Variants in SHANK2 observed in about 807,000 individuals in gnomAD.
The protein encoded by SHANK2 is SH3 and multiple ankyrin repeat domains protein 2.
In SHANK2, 43 loss-of-function variants were observed where a neutral mutation model predicts 133.7. The observed-to-expected ratio is 0.32, with a 90% CI of 0.25 to 0.41. SHANK2 has a LOEUF of 0.41. Ranked by LOEUF, SHANK2 falls within the 10% of genes least tolerant of loss-of-function variation. SHANK2 has a pLI of 1.00. For missense variants in SHANK2, 1,994 were observed against 2,235.8 expected (o/e 0.89, Z 2.18); for synonymous variants, 1,017 against 952.8 (o/e 1.07, Z -1.24).
intron 14 of SHANK2, among the ~76,000 whole-genome samples, chr11:70,716,895 G>GCCCCCCCCCCCCCCCCCCCGACCCC (rs60827522): frequency 7.2e-6 from 1 of 138,388 alleles, no homozygotes; most frequent in Non-Finnish European, 1.5e-5. Context: ...GGGTCCCGGA[G>GCCCCCCCCCCCCCCCCCCCGACCCC]CCCCCCCCCC....
intron 22 of SHANK2, 130 bp downstream of exon 22, chr11:70,492,205 A>C (rs782645369): frequency 9.2e-5 from 125 of 1,363,736 alleles, no homozygotes; most frequent in Non-Finnish European, 1.2e-4. Flanking sequence ...GGCCACTTAG[A>C]TTTGGGCCCC....
intron 17 of SHANK2, among the ~76,000 whole-genome samples, chr11:70,536,132 C>T (rs1394841169): frequency 2.0e-5 from 3 of 152,210 alleles, no homozygotes; most frequent in Non-Finnish European, 4.4e-5. Flanking sequence ...GGCTGAAGCC[C>T]ACCCAGGTCT....
At position 70,584,025 on chromosome 11, in the gene SHANK2, G is replaced by A. The variant is rs982684476; in HGVS notation, c.2061+75803C>T. ...CCGTGCATGACTCTGCAGCCACCGCGAGCATGCTCCTCAAGGTCTCATCCC... is the reference window on the plus strand; with the variant it reads ...CCGTGCATGACTCTGCAGCCACCGCAAGCATGCTCCTCAAGGTCTCATCCC... On this transcript the variant is annotated intron_variant, in intron 17 of 25. Coordinates refer to ENST00000601538, the MANE Select transcript of SHANK2 (RefSeq NM_012309.5). Among the ~76,000 whole-genome samples, 4 of 152,244 alleles carry A rather than the reference G, an allele frequency of 2.6e-5. No individual in the cohort carries two copies. In the East Asian group the frequency reaches 5.8e-4, roughly 22 times the overall value.
chr11:70,604,359 A>G (rs1185657561), intron 17 of SHANK2: 2 of 152,432 alleles, frequency 1.3e-5, no homozygotes, highest in African/African-American at 4.8e-5. Context: ...CACATGGCAG[A>G]TGGGAACTGT....
chr11:70,947,808 G>C (rs1950769569), intron 10 of SHANK2, among the ~76,000 whole-genome samples: 1 of 152,172 alleles, frequency 6.6e-6, no homozygotes, highest in Non-Finnish European at 1.5e-5. Context: ...TACCAACGTT[G>C]CTTCCCATCC....
chr11:70,884,811 C>T (rs1161241699), intron 11 of SHANK2, among the ~76,000 whole-genome samples: 2 of 152,208 alleles, frequency 1.3e-5, no homozygotes, highest in Non-Finnish European at 2.9e-5. Flanking sequence ...ACCTCCGCCT[C>T]CCAGGTTCAA....
At chr11:70,921,624 A>G (rs1950353588) in intron 10 of SHANK2, among the ~76,000 whole-genome samples, 1 of 152,232 alleles carries the variant, frequency 6.6e-6, no homozygotes. Flanking sequence ...CACCCAGGAG[A>G]GAAATGCTGG....
intron 15 of SHANK2, among the ~76,000 whole-genome samples, chr11:70,671,345 C>T (rs1944803354): frequency 6.6e-6 from 1 of 152,114 alleles, no homozygotes; most frequent in South Asian, 2.1e-4. Context: ...ACCCCAGCTT[C>T]CCCAAACCAG....
At chr11:70,858,451 C>G (rs1949204579) in intron 11 of SHANK2, among the ~76,000 whole-genome samples, 1 of 152,188 alleles carries the variant, frequency 6.6e-6, no homozygotes, top group South Asian at 2.1e-4. Context: ...AGACTGGAAA[C>G]CCAGGCATGA....
intron 17 of SHANK2, among the ~76,000 whole-genome samples, chr11:70,533,392 C>CT (rs2059503058): frequency 6.6e-6 from 1 of 152,116 alleles, no homozygotes; most frequent in Non-Finnish European, 1.5e-5. Context: ...GCCTGGACTT[C>CT]TTTTTAAAAA....
At chr11:71,205,322 T>C (rs1954106725) in intron 2 of SHANK2, among the ~76,000 whole-genome samples, 2 of 152,220 alleles carry the variant, frequency 1.3e-5, no homozygotes, top group Admixed American at 1.3e-4. Flanking sequence ...CATGCCTCTC[T>C]CTGGTCAGAG....
At chr11:71,085,649 G>T (rs1225412118) in intron 8 of SHANK2, among the ~76,000 whole-genome samples, 26 of 25,120 alleles carry the variant, frequency 1.0e-3, no homozygotes, top group East Asian at 7.0e-3. Flanking sequence ...AATATATTAT[G>T]TTATATATTA....
At chr11:70,670,998 C>A (rs1484579673) in intron 15 of SHANK2, among the ~76,000 whole-genome samples, 1 of 152,254 alleles carries the variant, frequency 6.6e-6, no homozygotes, top group African/African-American at 2.4e-5. Flanking sequence ...TATGAAAACG[C>A]CCTGCCCGGC....
At chr11:71,205,971 C>G (rs1954119316) in intron 2 of SHANK2, among the ~76,000 whole-genome samples, 1 of 152,102 alleles carries the variant, frequency 6.6e-6, no homozygotes, top group Admixed American at 6.5e-5. Flanking sequence ...AAGCTCCAAT[C>G]AGGGCTGAGC....
intron 17 of SHANK2, among the ~76,000 whole-genome samples, chr11:70,517,628 T>C (rs2059281649): frequency 6.6e-6 from 1 of 152,208 alleles, no homozygotes; most frequent in Admixed American, 6.5e-5. Context: ...GCACACTGTA[T>C]GATTCCAACT....
chr11:71,071,279 A>G (rs1951137879), intron 9 of SHANK2, among the ~76,000 whole-genome samples: 1 of 152,238 alleles, frequency 6.6e-6, no homozygotes, highest in East Asian at 1.9e-4. Context: ...ACATTTCAGC[A>G]TTCACACCCC....
At position 70,468,879 on chromosome 11, in the gene SHANK2, T is replaced by C. The variant is rs1218494056; in HGVS notation, c.*3990A>G. ...AAGTTCAACGTTTAGGTTTAAAATA[T>C]GCTTCCCTAAAGCGGAGGGATGGCC... is the stretch of plus-strand genomic sequence containing the variant. On this transcript the variant is annotated 3_prime_UTR_variant, in exon 26 of 26. Transcript: ENST00000601538. 2.0e-5 allele frequency: 3 copies of C among 152,266 alleles called. No individual in the cohort carries two copies. The highest frequency in any genetic ancestry group is 4.4e-5 in the Non-Finnish European group (3 of 68,044). The allele number at this position is 152,266 out of a possible 1,614,324, so 9.4% of individuals were successfully genotyped here.
At position 70,517,227 on chromosome 11, in the gene SHANK2, C is replaced by A. The variant is rs191806057; in HGVS notation, c.2062-14296G>T. Among the ~76,000 whole-genome samples the A allele has an allele frequency of 9.2e-5, 14 of 152,262 alleles. No individual in the cohort carries two copies. The East Asian group carries it at 2.1e-3, about 23-fold the overall frequency. ...AAACACCGACAACAGCAAATGCCGG[C>A]GAGGATGTGCAGCAACCGGAATGCT... On this transcript the variant is annotated intron_variant, in intron 17 of 25. Transcript: ENST00000601538.
At chr11:70,851,485 C>T (rs1555065426) in intron 11 of SHANK2, among the ~76,000 whole-genome samples, 2 of 152,168 alleles carry the variant, frequency 1.3e-5, no homozygotes, top group Non-Finnish European at 2.9e-5. Context: ...TTTCTCCTGC[C>T]CCTTTCTCCT....
Sources: gnomAD v4.1 joint callset for allele counts (sites outside exome capture counted in the v4.1 genomes callset) on GRCh38, gnomAD v4.1.1 for gene constraint, MANE v1.5 for transcripts, NCBI Gene and HGNC (gene_info 2026-07-23, HGNC 2026-07-21) for gene names.